PATJ: variants seen among roughly 807,000 people sequenced by gnomAD.
PATJ encodes inaD-like protein.
Under a neutral mutation model 224.9 loss-of-function variants are expected in PATJ, and 190 were observed. The observed-to-expected ratio is 0.84, with a 90% CI of 0.75 to 0.95. The LOEUF (loss-of-function observed/expected upper bound fraction) is 0.95. Among genes scored for constraint, PATJ ranks in the 40% least tolerant of loss-of-function variants. PATJ has a pLI of 0.00. For missense variants in PATJ, 2,121 were observed against 2,270.3 expected, an observed-to-expected ratio of 0.93 and a Z score of 1.34; for synonymous variants, 769 against 820.3, an observed-to-expected ratio of 0.94 and a Z score of 1.07.
At position 61,884,366 on chromosome 1, in the gene PATJ, C is replaced by G; in HGVS notation, c.3089C>G (p.Ala1030Gly). The G allele has an allele frequency of 1.2e-6, 2 of 1,611,136 alleles. No homozygotes were observed. The highest frequency in any genetic ancestry group is 3.4e-5 in the Admixed American group (2 of 59,430). ...ACACGAGTTATTTCCAAGGCCTCAG[C>G]ATACACAGGAATGTTGTCTTCTAGA... ...QATRVISKAS[A>G]YTGMLSSRYA... Residue 1030 changes from alanine to glycine, a missense_variant, in exon 22 of 44, where the codon GCA (alanine) becomes GGA (glycine). Ala to Gly is a moderately conservative substitution (Grantham distance 60, BLOSUM62 0). Transcript: ENST00000642238.
At position 62,105,187 on chromosome 1, in the gene PATJ, A is replaced by G. The variant is rs551228762; in HGVS notation, c.4378-3250A>G. Among the ~76,000 whole-genome samples the G allele has an allele frequency of 4.6e-5, 7 of 152,332 alleles. No homozygotes were observed. In the East Asian group the frequency reaches 1.3e-3, roughly 29 times the overall value. The stretch of plus-strand genomic sequence containing the variant: ...TAGGATAGTTCATTGAGCGCCAGAA[A>G]ATATCTAAGGATTTTGAATTCAGAC... On this transcript the variant is annotated intron_variant, in intron 33 of 43. Transcript: ENST00000642238.
chr1:61,916,164 A>C (rs1172759411), intron 26 of PATJ, among the ~76,000 whole-genome samples: 3 of 152,194 alleles, frequency 2.0e-5, no homozygotes, highest in African/African-American at 7.2e-5. Context: ...CTTTTAAAAC[A>C]TACAATAATC....
At chr1:61,921,745 A>G (rs1674368805) in intron 26 of PATJ, among the ~76,000 whole-genome samples, 1 of 152,182 alleles carries the variant, frequency 6.6e-6, no homozygotes, top group Admixed American at 6.5e-5. Context: ...ATCTGTAGTG[A>G]GAGAAAACAG....
chr1:61,993,177 C>A (rs1645164194), intron 28 of PATJ, among the ~76,000 whole-genome samples: 1 of 152,206 alleles, frequency 6.6e-6, no homozygotes, highest in African/African-American at 2.4e-5. Context: ...TAACCCCTAA[C>A]TCAGGTTTGA....
chr1:61,871,465 A>ATG (rs1491354957), intron 20 of PATJ, among the ~76,000 whole-genome samples: 1 of 119,252 alleles, frequency 8.4e-6, no homozygotes, highest in East Asian at 2.2e-4. Context: ...GCGTATATAT[A>ATG]TGTATATACA....
intron 31 of PATJ, among the ~76,000 whole-genome samples, chr1:62,067,857 G>A (rs2148671079): frequency 6.6e-6 from 1 of 152,304 alleles, no homozygotes; most frequent in African/African-American, 2.4e-5. Flanking sequence ...CTGGAGTGCA[G>A]TGGCACGATC....
chr1:61,877,479 A>G (rs1359772908), intron 21 of PATJ, among the ~76,000 whole-genome samples: 1 of 151,908 alleles, frequency 6.6e-6, no homozygotes. Context: ...GTATTGGGGA[A>G]GGGACTTGGT....
At chr1:62,051,293 CT>C (rs1031126201) in intron 31 of PATJ, among the ~76,000 whole-genome samples, 2 of 151,282 alleles carry the variant, frequency 1.3e-5, no homozygotes, top group Non-Finnish European at 1.5e-5. Flanking sequence ...AATCTCTCCT[CT>C]TTTTTTTTGT....
chr1:61,786,315 C>T (rs1252202691), intron 7 of PATJ, among the ~76,000 whole-genome samples: 1 of 152,182 alleles, frequency 6.6e-6, no homozygotes, highest in African/African-American at 2.4e-5. Flanking sequence ...AGCCACTGTG[C>T]TGGCAGAATC....
chr1:61,814,737 G>A (rs987746753), intron 14 of PATJ, among the ~76,000 whole-genome samples: 2 of 151,960 alleles, frequency 1.3e-5, no homozygotes, highest in African/African-American at 4.8e-5. Flanking sequence ...TAATTCAGTA[G>A]CTACTAATTT....
intron 26 of PATJ, among the ~76,000 whole-genome samples, chr1:61,925,644 A>G (rs573488235): frequency 5.3e-5 from 8 of 152,304 alleles, no homozygotes; most frequent in African/African-American, 1.9e-4. Flanking sequence ...CTGGTAGGTG[A>G]GTCTGCTTGA....
intron 27 of PATJ, among the ~76,000 whole-genome samples, chr1:61,972,488 T>C (rs190587816): frequency 2.2e-4 from 34 of 152,236 alleles, no homozygotes; most frequent in Non-Finnish European, 3.8e-4. Context: ...AACAATGCTA[T>C]GTACTGTGTC....
At chr1:61,902,252 C>T (rs1357018044) in intron 24 of PATJ, among the ~76,000 whole-genome samples, 1 of 150,508 alleles carries the variant, frequency 6.6e-6, no homozygotes, top group Non-Finnish European at 1.5e-5. Context: ...CATATTAAAC[C>T]ACTGAGAATG....
chr1:61,901,435 T>C lies in PATJ; in HGVS notation c.3357T>C (p.Leu1119=). Residue 1119 remains leucine, a synonymous_variant, in exon 24 of 44, where the codon CTT becomes CTC. Transcript: ENST00000642238. ...GTCCAGCAGGGAAGACGAACGCACT[T>C]AAAACTGGAGATAAAATACTTGAGG... ...EDSPAGKTNA[L]KTGDKILEVS... The C allele has an allele frequency of 1.3e-6, 2 of 1,584,890 alleles. No individual in the cohort carries two copies. Among genetic ancestry groups the C allele is most frequent in the Non-Finnish European group, 1.7e-6 (2 of 1,170,136 alleles).
intron 26 of PATJ, among the ~76,000 whole-genome samples, chr1:61,924,587 A>G (rs1050876216): frequency 5.3e-5 from 8 of 152,244 alleles, no homozygotes; most frequent in African/African-American, 2.4e-5. Context: ...GTACATTTAA[A>G]GTAGTATAAC....
chr1:61,848,296 A>C (rs1662287262), intron 17 of PATJ, among the ~76,000 whole-genome samples: 1 of 152,182 alleles, frequency 6.6e-6, no homozygotes. Flanking sequence ...TCTTAACACT[A>C]ATGGGCTGAA....
chr1:62,117,506 TAAA>T (rs202208470), intron 37 of PATJ: 55 of 640,362 alleles, frequency 8.6e-5, no homozygotes, highest in East Asian at 2.5e-4. Context: ...TGTGTTTATT[TAAA>T]AAAAAAAAAA....
chr1:62,121,468 G>C (rs988948196), intron 38 of PATJ, among the ~76,000 whole-genome samples, 173 bp downstream of exon 38: 1 of 152,066 alleles, frequency 6.6e-6, no homozygotes, highest in Non-Finnish European at 1.5e-5. Flanking sequence ...AAGCCATAGA[G>C]ATTCCTTCAG....
chr1:62,082,923 C>A (rs556776692), intron 32 of PATJ, among the ~76,000 whole-genome samples: 1 of 152,244 alleles, frequency 6.6e-6, no homozygotes, highest in African/African-American at 2.4e-5. Context: ...AGCTGACCAG[C>A]AGATGGAGCC....
Sources: gnomAD v4.1 joint callset for allele counts (sites outside exome capture counted in the v4.1 genomes callset) on GRCh38, gnomAD v4.1.1 for gene constraint, MANE v1.5 for transcripts, NCBI Gene and HGNC (gene_info 2026-07-23, HGNC 2026-07-21) for gene names.